The following ZNF521 variants were observed in gnomAD, a reference collection of about 807,000 sequenced individuals.
ZNF521 encodes the protein LYST-interacting protein 3.
In ZNF521, 14 loss-of-function variants were observed where a neutral mutation model predicts 105.5. That is an observed-to-expected ratio of 0.13 (90% confidence interval 0.09 to 0.21). ZNF521 has a LOEUF of 0.21. Ranked by LOEUF, ZNF521 falls within the 10% of genes least tolerant of loss-of-function variation. ZNF521 has a pLI of 1.00. For synonymous variants in ZNF521, 635 were observed against 606.0 expected (o/e 1.05, Z -0.70); for missense variants, 1,233 against 1,629.7 (o/e 0.76, Z 4.19).
intron 7 of ZNF521, among the ~76,000 whole-genome samples, chr18:25,069,768 A>G (rs2033169361): frequency 6.6e-6 from 1 of 152,222 alleles, no homozygotes; most frequent in Admixed American, 6.5e-5. Flanking sequence ...TAGCCAGGGA[A>G]GTTGACTCAT....
chr18:25,074,077 T>C (rs562772068), intron 7 of ZNF521, among the ~76,000 whole-genome samples: 10 of 141,044 alleles, frequency 7.1e-5, no homozygotes, highest in Non-Finnish European at 1.5e-4. Context: ...CGTGTGTGCG[T>C]GCGTGTGTGC....
chr18:25,194,513 C>T (rs1162909080), intron 5 of ZNF521, among the ~76,000 whole-genome samples: 1 of 151,562 alleles, frequency 6.6e-6, no homozygotes, highest in African/African-American at 2.4e-5. Flanking sequence ...TGGTTTTAGG[C>T]CATGTGATAA....
At chr18:25,174,196 T>C (rs2035496064) in intron 5 of ZNF521, among the ~76,000 whole-genome samples, 2 of 152,196 alleles carry the variant, frequency 1.3e-5, no homozygotes, top group Non-Finnish European at 2.9e-5. Flanking sequence ...CAGTAATTAC[T>C]TTCTAAGCAA....
intron 2 of ZNF521, among the ~76,000 whole-genome samples, chr18:25,348,902 C>T (rs1253676958): frequency 6.6e-6 from 1 of 152,272 alleles, no homozygotes; most frequent in South Asian, 2.1e-4. Context: ...TAAAATCCTA[C>T]GTGCATGAGA....
chr18:25,224,011 G>C (rs750050406), intron 4 of ZNF521: 6 of 283,514 alleles, frequency 2.1e-5, no homozygotes, highest in Non-Finnish European at 4.0e-5. Flanking sequence ...ATACACACAA[G>C]TCATAGCTGG....
rs370852494 is a variant in ZNF521, at chr18:25,224,331, A to C, written c.3573+14T>G. ...GAGGAGGTTAAATAGCAAACATTAA[A>C]AAAGGCGAGTTACCTCATCCGACTG... On this transcript the variant is annotated intron_variant, in intron 4 of 7. Transcript: ENST00000361524. 1.3e-6 allele frequency: 2 copies of C among 1,595,724 alleles called. No individual in the cohort carries two copies. The highest frequency in any genetic ancestry group is 1.7e-6 in the Non-Finnish European group (2 of 1,167,814).
chr18:25,156,937 T>C (rs1361505798), intron 5 of ZNF521, among the ~76,000 whole-genome samples: 2 of 152,100 alleles, frequency 1.3e-5, no homozygotes, highest in Non-Finnish European at 2.9e-5. Flanking sequence ...AGGTGGCTCA[T>C]GCTGTAATCC....
intron 5 of ZNF521, among the ~76,000 whole-genome samples, chr18:25,161,281 T>C (rs2035246797): frequency 6.6e-6 from 1 of 152,118 alleles, no homozygotes; most frequent in Admixed American, 6.6e-5. Context: ...TTTGGACACA[T>C]TTCCTTCAAC....
chr18:25,314,843 A>G (rs1019718864), intron 3 of ZNF521, among the ~76,000 whole-genome samples: 10 of 152,364 alleles, frequency 6.6e-5, no homozygotes, highest in African/African-American at 2.4e-4. Context: ...AATGACTCAG[A>G]ACAACAAGCA....
intron 5 of ZNF521, among the ~76,000 whole-genome samples, chr18:25,097,310 T>C (rs560851747): frequency 6.6e-6 from 1 of 152,242 alleles, no homozygotes; most frequent in African/African-American, 2.4e-5. Flanking sequence ...ATAAACACAC[T>C]GTGGTGCTAA....
intron 4 of ZNF521, among the ~76,000 whole-genome samples, chr18:25,216,341 G>A (rs1174618308): frequency 6.6e-6 from 1 of 151,988 alleles, no homozygotes; most frequent in African/African-American, 2.4e-5. Context: ...ACCTTTTACT[G>A]TATTTTAATA....
chr18:25,218,908 C>T (rs928746917), intron 4 of ZNF521, among the ~76,000 whole-genome samples: 1 of 151,968 alleles, frequency 6.6e-6, no homozygotes, highest in Admixed American at 6.6e-5. Flanking sequence ...CTGCATAGGT[C>T]CACTTATATG....
chr18:25,274,437 T>C (rs1909901447), intron 3 of ZNF521, among the ~76,000 whole-genome samples: 1 of 152,194 alleles, frequency 6.6e-6, no homozygotes, highest in South Asian at 2.1e-4. Context: ...TCTAAATACA[T>C]AAAATGCAGA....
intron 4 of ZNF521, among the ~76,000 whole-genome samples, chr18:25,217,541 TACG>T (rs1416404724): frequency 6.6e-6 from 1 of 152,144 alleles, no homozygotes; most frequent in Admixed American, 6.5e-5. Context: ...AGGGTATACA[TACG>T]ACATTTCAGA....
chr18:25,241,704 A>G (rs1013316313), intron 3 of ZNF521, among the ~76,000 whole-genome samples: 3 of 152,152 alleles, frequency 2.0e-5, no homozygotes, highest in Non-Finnish European at 4.4e-5. Context: ...AATGAGGGGG[A>G]AAATGTGCAC....
chr18:25,205,293 T>A (rs975112972), intron 4 of ZNF521, among the ~76,000 whole-genome samples: 2 of 152,178 alleles, frequency 1.3e-5, no homozygotes, highest in Non-Finnish European at 2.9e-5. Context: ...TAAATTCTAG[T>A]TAACTTCTTA....
chr18:25,112,516 A>G (rs2034212023), intron 5 of ZNF521, among the ~76,000 whole-genome samples: 1 of 152,218 alleles, frequency 6.6e-6, no homozygotes, highest in African/African-American at 2.4e-5. Flanking sequence ...TATTGATGAT[A>G]AAGAGCACAG....
chr18:25,272,936 T>C (rs954300130), intron 3 of ZNF521, among the ~76,000 whole-genome samples: 6 of 151,544 alleles, frequency 4.0e-5, no homozygotes, highest in Non-Finnish European at 8.8e-5. Context: ...TAAATCCTAA[T>C]AACGTTTAGG....
intron 5 of ZNF521, among the ~76,000 whole-genome samples, chr18:25,158,902 G>A (rs1445390978): frequency 6.6e-6 from 1 of 151,676 alleles, no homozygotes; most frequent in East Asian, 1.9e-4. Context: ...GTTGCAGTGA[G>A]CTGAGATTAC....
Sources: gnomAD v4.1 joint callset for allele counts (sites outside exome capture counted in the v4.1 genomes callset) on GRCh38, gnomAD v4.1.1 for gene constraint, MANE v1.5 for transcripts, NCBI Gene and HGNC (gene_info 2026-07-23, HGNC 2026-07-21) for gene names.